NTM: variants seen among roughly 807,000 people sequenced by gnomAD.
The protein encoded by NTM is IgLON family member 2.
A neutral mutation model predicts 42.1 loss-of-function variants in NTM; 13 were observed. The observed-to-expected ratio is 0.31, with a 90% CI of 0.20 to 0.49. NTM has a LOEUF of 0.49. Ranked by LOEUF, NTM falls within the 20% of genes least tolerant of loss-of-function variation. The pLI is 0.99. For missense variants in NTM, 373 were observed against 452.8 expected (o/e 0.82, Z 1.60); for synonymous variants, 187 against 179.2 (o/e 1.04, Z -0.35).
intron 2 of NTM, among the ~76,000 whole-genome samples, chr11:132,140,429 C>T (rs535432598): frequency 6.6e-6 from 1 of 152,284 alleles, no homozygotes; most frequent in East Asian, 1.9e-4. Flanking sequence ...CCATGGCCTA[C>T]CTCCGTTTTC....
At chr11:131,563,593 T>TTTA (rs1289174275) in intron 1 of NTM, among the ~76,000 whole-genome samples, 1 of 150,788 alleles carries the variant, frequency 6.6e-6, no homozygotes, top group African/African-American at 2.4e-5. Flanking sequence ...TTTTTTTTTT[T>TTTA]TTTTTTTTTG....
intron 2 of NTM, among the ~76,000 whole-genome samples, chr11:132,088,062 G>A (rs1434144193): frequency 1.3e-5 from 2 of 152,216 alleles, no homozygotes; most frequent in African/African-American, 2.4e-5. Flanking sequence ...AGTGGGGCAG[G>A]GAGCCACCAC....
At chr11:131,809,399 TC>T (rs1227371394) in intron 1 of NTM, among the ~76,000 whole-genome samples, 3 of 152,164 alleles carry the variant, frequency 2.0e-5, no homozygotes, top group Non-Finnish European at 4.4e-5. Flanking sequence ...GACTTCCCTG[TC>T]CCAAGGGATT....
intron 1 of NTM, among the ~76,000 whole-genome samples, chr11:131,575,506 A>AGTG (rs148342600): frequency 0.037 from 5,630 of 152,262 alleles, 343 homozygotes; most frequent in African/African-American, 0.13. Context: ...AAGCATAGGA[A>AGTG]GTGGCACAGT....
At chr11:131,945,458 T>C (rs1475959978) in intron 2 of NTM, among the ~76,000 whole-genome samples, 1 of 152,138 alleles carries the variant, frequency 6.6e-6, no homozygotes, top group East Asian at 1.9e-4. Context: ...TTTTTTCTGG[T>C]CCACTTGAGG....
intron 2 of NTM, among the ~76,000 whole-genome samples, chr11:132,049,794 A>T (rs542457210): frequency 6.6e-6 from 1 of 152,302 alleles, no homozygotes; most frequent in South Asian, 2.1e-4. Flanking sequence ...AGTCTAGCTC[A>T]GTCATGAGGA....
chr11:131,856,350 T>G (rs754467106), intron 1 of NTM, among the ~76,000 whole-genome samples: 3 of 142,392 alleles, frequency 2.1e-5, no homozygotes, highest in Admixed American at 6.7e-5. Context: ...AGAGATCATC[T>G]AATCTAAGAG....
intron 2 of NTM, among the ~76,000 whole-genome samples, chr11:132,049,636 C>T (rs764608627): frequency 6.6e-6 from 1 of 152,306 alleles, no homozygotes; most frequent in Non-Finnish European, 1.5e-5. Context: ...CCATCACCCT[C>T]ACCTGGGACC....
intron 2 of NTM, among the ~76,000 whole-genome samples, chr11:131,951,736 T>C (rs2134359973): frequency 6.8e-6 from 1 of 146,660 alleles, no homozygotes; most frequent in Non-Finnish European, 1.5e-5. Context: ...GCAGGAGAAA[T>C]GCTTGAAACT....
intron 4 of NTM, among the ~76,000 whole-genome samples, chr11:132,249,894 G>T (rs946559470): frequency 6.6e-6 from 1 of 152,132 alleles, no homozygotes; most frequent in Non-Finnish European, 1.5e-5. Context: ...GCCATTGCTG[G>T]TATATAGCTT....
At chr11:131,759,025 G>T (rs1036178354) in intron 1 of NTM, among the ~76,000 whole-genome samples, 3 of 152,216 alleles carry the variant, frequency 2.0e-5, no homozygotes, top group African/African-American at 7.2e-5. Context: ...TCATCTTTGA[G>T]AAGTTTGGTC....
intron 2 of NTM, among the ~76,000 whole-genome samples, chr11:131,983,824 G>A (rs2065649656): frequency 6.6e-6 from 1 of 152,194 alleles, no homozygotes; most frequent in African/African-American, 2.4e-5. Context: ...CAGGGATCCA[G>A]GCTAACCAAG....
chr11:131,503,622 A>G (rs1007221317), intron 1 of NTM, among the ~76,000 whole-genome samples: 3 of 151,746 alleles, frequency 2.0e-5, no homozygotes, highest in Admixed American at 6.6e-5. Flanking sequence ...TCCCAGACTC[A>G]AGCAATTTTC....
intron 2 of NTM, among the ~76,000 whole-genome samples, chr11:132,080,019 A>C (rs2058835747): frequency 6.6e-6 from 1 of 152,226 alleles, no homozygotes; most frequent in South Asian, 2.1e-4. Context: ...TTGGTGGAGA[A>C]AAATATACAT....
Position 131,721,382 on chromosome 11 carries a change from G to C in NTM, c.83-190182G>C, listed in dbSNP as rs1261649911. On this transcript the variant is annotated intron_variant, in intron 1 of 8. Coordinates refer to ENST00000683400, the MANE Select transcript of NTM (RefSeq NM_001352005.2). The stretch of plus-strand genomic sequence containing the variant: ...CCTGTGCAAGTTACCAAACCATTCA[G>C]AGTCTCAGTTTTTTCATCTGTAGCA... Among the ~76,000 whole-genome samples the C allele has an allele frequency of 3.3e-5, 5 of 152,246 alleles. No homozygotes were observed. The South Asian group carries it at 1.0e-3, about 32-fold the overall frequency.
At chr11:131,407,721 T>G (rs1241338487) in intron 1 of NTM, among the ~76,000 whole-genome samples, 1 of 152,198 alleles carries the variant, frequency 6.6e-6, no homozygotes, top group Non-Finnish European at 1.5e-5. Context: ...AAAGAGTTCC[T>G]AGGACATTCT....
At chr11:131,467,053 G>A (rs569485785) in intron 1 of NTM, among the ~76,000 whole-genome samples, 2 of 152,202 alleles carry the variant, frequency 1.3e-5, no homozygotes, top group South Asian at 4.1e-4. Context: ...TGGCGTACAG[G>A]GACTCTGAAG....
At chr11:132,239,014 T>G (rs2089662443) in intron 4 of NTM, among the ~76,000 whole-genome samples, 1 of 152,200 alleles carries the variant, frequency 6.6e-6, no homozygotes, top group African/African-American at 2.4e-5. Flanking sequence ...GAATTCCTTT[T>G]GCTCCATCAA....
intron 1 of NTM, among the ~76,000 whole-genome samples, chr11:131,621,672 A>G (rs1218082664): frequency 6.7e-6 from 1 of 150,278 alleles, no homozygotes; most frequent in Non-Finnish European, 1.5e-5. Flanking sequence ...GTTTTCTTTA[A>G]TTAGCTGAGC....
Sources: allele counts gnomAD v4.1 joint callset (sites outside exome capture counted in the v4.1 genomes callset), GRCh38; gene constraint gnomAD v4.1.1; transcripts MANE v1.5; gene names NCBI Gene and HGNC (gene_info 2026-07-23, HGNC 2026-07-21).